Variants in CDH13 observed in about 807,000 individuals in gnomAD.
CDH13 encodes cadherin 13.
In CDH13, 24 loss-of-function variants were observed where a neutral mutation model predicts 63.8. The observed-to-expected ratio is 0.38, with a 90% CI of 0.27 to 0.53. The LOEUF is 0.53. Ranked by LOEUF, CDH13 falls within the 20% of genes least tolerant of loss-of-function variation. The pLI is 0.85. For synonymous variants in CDH13, 503 were observed against 355.3 expected (o/e 1.42, Z -4.67); for missense variants, 1,049 against 903.1 (o/e 1.16, Z -2.07).
chr16:82,793,551 T>C (rs1000499794), intron 1 of CDH13, among the ~76,000 whole-genome samples: 5 of 152,230 alleles, frequency 3.3e-5, no homozygotes, highest in East Asian at 1.9e-4. Context: ...CTCATTTCCA[T>C]GTCAGTCTGC....
chr16:82,842,104 ATATATATG>A (rs1179556314), intron 1 of CDH13, among the ~76,000 whole-genome samples: 949 of 37,014 alleles, frequency 0.026, 20 homozygotes, highest in East Asian at 0.12. Context: ...ATATATATAT[ATATATATG>A]TATATATATA....
At chr16:83,310,559 C>G (rs982783746) in intron 5 of CDH13, among the ~76,000 whole-genome samples, 1 of 152,166 alleles carries the variant, frequency 6.6e-6, no homozygotes, top group Non-Finnish European at 1.5e-5. Context: ...CCTCTTCCAC[C>G]AAGGCTATTG....
In CDH13 at chr16:83,367,408, G is replaced by A. The variant is rs565226742; in HGVS notation, c.781+22402G>A. 2.6e-4 allele frequency among the ~76,000 whole-genome samples: 39 copies of A among 152,234 alleles called. No individual in the cohort carries two copies. In the South Asian group the frequency reaches 3.5e-3, roughly 14 times the overall value. On this transcript the variant is annotated intron_variant, in intron 6 of 13. Coordinates refer to ENST00000567109, the MANE Select transcript of CDH13 (RefSeq NM_001257.5). ...ATCCATTTAAAAGTCCATGGACATCGGGTTGTTACTACTTTTTGGCTACTA... is the reference window on the plus strand; with the variant it reads ...ATCCATTTAAAAGTCCATGGACATCAGGTTGTTACTACTTTTTGGCTACTA...
chr16:83,262,625 A>C (rs564471082), intron 5 of CDH13, among the ~76,000 whole-genome samples: 3 of 152,316 alleles, frequency 2.0e-5, no homozygotes, highest in Non-Finnish European at 2.9e-5. Context: ...GGACTGTCTG[A>C]ATTTGAAAAG....
In CDH13 at chr16:82,855,293, C is replaced by G. The variant is rs144366985; in HGVS notation, c.46-3069C>G. ...ACATAGACAAAGATGGAGAACACAG[C>G]TCACCTGCAGAGTGCTGTTTCTCAT... is the stretch of plus-strand genomic sequence containing the variant. On this transcript the variant is annotated intron_variant, in intron 1 of 13. Coordinates refer to ENST00000567109, the MANE Select transcript of CDH13 (RefSeq NM_001257.5). 2.7e-3 allele frequency among the ~76,000 whole-genome samples: 416 copies of G among 152,314 alleles called. 3 individuals carry two copies. The highest frequency in any genetic ancestry group is 8.9e-3 in the African/African-American group (372 of 41,578).
At chr16:83,519,900 G>T (rs377140487) in intron 7 of CDH13, among the ~76,000 whole-genome samples, 2 of 152,182 alleles carry the variant, frequency 1.3e-5, no homozygotes, top group South Asian at 2.1e-4. Context: ...TGATCAGAAA[G>T]GAGATGTGAA....
intron 1 of CDH13, among the ~76,000 whole-genome samples, chr16:82,723,567 C>G (rs1247357277): frequency 1.3e-5 from 2 of 152,126 alleles, no homozygotes; most frequent in Non-Finnish European, 2.9e-5. Context: ...AGAAGAGGAT[C>G]TGGTGGGGGA....
At chr16:83,515,096 T>A (rs888612757) in intron 7 of CDH13, among the ~76,000 whole-genome samples, 2 of 152,136 alleles carry the variant, frequency 1.3e-5, no homozygotes, top group Non-Finnish European at 2.9e-5. Context: ...TCTTGTGCTG[T>A]GTCGTAGGTC....
At chr16:83,689,461 A>C (rs892398036) in intron 10 of CDH13, among the ~76,000 whole-genome samples, 1 of 152,218 alleles carries the variant, frequency 6.6e-6, no homozygotes, top group Non-Finnish European at 1.5e-5. Context: ...GTCAGCCAGC[A>C]AGCACGAGGA....
At chr16:82,649,087 T>TAGAG (rs10657282) in intron 1 of CDH13, among the ~76,000 whole-genome samples, 69,561 of 151,884 alleles carry the variant, frequency 0.46, 16,738 homozygotes, top group African/African-American at 0.62. Flanking sequence ...TAAATATAGT[T>TAGAG]AGAGAGTGAG....
chr16:83,672,407 C>CT (rs1379215242), intron 9 of CDH13, among the ~76,000 whole-genome samples: 14 of 55,182 alleles, frequency 2.5e-4, no homozygotes, highest in Admixed American at 5.2e-4. Context: ...TCTCTGGATT[C>CT]TCTTTTTTTT....
intron 12 of CDH13, 74 bp from the exon 13 acceptor site, chr16:83,783,180 T>C: frequency 2.0e-6 from 2 of 992,730 alleles, no homozygotes; most frequent in Non-Finnish European, 3.1e-6. Context: ...GGTGTGACTT[T>C]CATCACCAAA....
At chr16:83,536,758 G>A (rs1452566817) in intron 7 of CDH13, among the ~76,000 whole-genome samples, 1 of 152,194 alleles carries the variant, frequency 6.6e-6, no homozygotes, top group East Asian at 1.9e-4. Context: ...ACAAGAGACA[G>A]CAATTAGGTG....
intron 2 of CDH13, among the ~76,000 whole-genome samples, chr16:82,967,102 G>A (rs916397470): frequency 6.6e-6 from 1 of 152,022 alleles, no homozygotes; most frequent in African/African-American, 2.4e-5. Context: ...ATTATAGGTT[G>A]GTTAGTTTGT....
chr16:83,373,244 G>A (rs12444914), intron 6 of CDH13, among the ~76,000 whole-genome samples: 40,151 of 152,064 alleles, frequency 0.26, 6,473 homozygotes, highest in South Asian at 0.4. Context: ...TTTTTAAAAG[G>A]GCCTAGTTAC....
intron 10 of CDH13, among the ~76,000 whole-genome samples, chr16:83,716,253 G>A (rs1908876444): frequency 6.6e-6 from 1 of 151,876 alleles, no homozygotes; most frequent in Non-Finnish European, 1.5e-5. Context: ...TACAACTAAT[G>A]AACCTACCTT....
intron 1 of CDH13, among the ~76,000 whole-genome samples, chr16:82,804,753 C>T (rs542227010): frequency 3.3e-5 from 5 of 152,240 alleles, no homozygotes; most frequent in African/African-American, 1.2e-4. Context: ...ATAGGTATCT[C>T]ACAGAGAAGA....
chr16:83,489,020 A>T (rs560801082), intron 7 of CDH13, among the ~76,000 whole-genome samples: 1 of 152,294 alleles, frequency 6.6e-6, no homozygotes, highest in Admixed American at 6.5e-5. Flanking sequence ...ACGTGTGTGC[A>T]GGTGCACACA....
intron 10 of CDH13, among the ~76,000 whole-genome samples, chr16:83,728,035 C>T (rs556137716): frequency 6.6e-6 from 1 of 152,298 alleles, no homozygotes; most frequent in South Asian, 2.1e-4. Context: ...AAAACTGTGA[C>T]TGTACAAAGA....
Sources: allele counts gnomAD v4.1 joint callset (sites outside exome capture counted in the v4.1 genomes callset), GRCh38; gene constraint gnomAD v4.1.1; transcripts MANE v1.5; gene names NCBI Gene and HGNC (gene_info 2026-07-23, HGNC 2026-07-21).